The following MAGI2 variants were observed in gnomAD, a reference collection of about 807,000 sequenced individuals.
MAGI2 encodes the protein membrane-associated guanylate kinase, WW and PDZ domain-containing protein 2.
In MAGI2, 35 loss-of-function variants were observed where a neutral mutation model predicts 133.3. That is an observed-to-expected ratio of 0.26 (90% CI 0.20 to 0.35). MAGI2 has a LOEUF of 0.35. Ranked by LOEUF, MAGI2 falls within the 10% of genes least tolerant of loss-of-function variation. The pLI is 1.00. For missense variants in MAGI2, 1,636 were observed against 1,863.4 expected (o/e 0.88, Z 2.25); for synonymous variants, 729 against 710.6 (o/e 1.03, Z -0.41).
At chr7:79,283,506 C>T (rs1249548683) in intron 1 of MAGI2, among the ~76,000 whole-genome samples, 1 of 152,048 alleles carries the variant, frequency 6.6e-6, no homozygotes, top group Non-Finnish European at 1.5e-5. Flanking sequence ...GGACCTTAAT[C>T]TTCAGAGAGG....
In MAGI2 at chr7:79,001,855, A is replaced by G. The variant is rs569339383; in HGVS notation, c.418+5235T>C. On this transcript the variant is annotated intron_variant, in intron 2 of 21. Coordinates refer to ENST00000354212, the MANE Select transcript of MAGI2 (RefSeq NM_012301.4). ...GAAACAATCCTGTTTAATCATCTCT[A>G]AATAAATGCTGCTAACTTATTGCTT... Among the ~76,000 whole-genome samples, 43 of 152,322 alleles carry G rather than the reference A, an allele frequency of 2.8e-4. No homozygotes were observed. In the South Asian group the frequency reaches 3.7e-3, roughly 13 times the overall value.
intron 7 of MAGI2, among the ~76,000 whole-genome samples, chr7:78,348,703 A>G (rs994215493): frequency 6.6e-6 from 1 of 152,228 alleles, no homozygotes; most frequent in Non-Finnish European, 1.5e-5. Flanking sequence ...AAAATATACA[A>G]TTAAGTTATT....
At chr7:78,360,835 C>A (rs1792701700) in intron 7 of MAGI2, among the ~76,000 whole-genome samples, 1 of 152,166 alleles carries the variant, frequency 6.6e-6, no homozygotes, top group South Asian at 2.1e-4. Context: ...AGGCCATTCT[C>A]GAGTTCTCAT....
At chr7:78,873,333 C>T (rs1171340103) in intron 2 of MAGI2, among the ~76,000 whole-genome samples, 1 of 152,116 alleles carries the variant, frequency 6.6e-6, no homozygotes, top group East Asian at 1.9e-4. Context: ...AGGTGAGCTG[C>T]GGGTGAGATT....
intron 1 of MAGI2, among the ~76,000 whole-genome samples, chr7:79,381,760 T>G (rs1415002756): frequency 6.6e-6 from 1 of 151,772 alleles, no homozygotes; most frequent in Non-Finnish European, 1.5e-5. Flanking sequence ...CCAAGTACAG[T>G]GCTGTGTGCT....
intron 10 of MAGI2, among the ~76,000 whole-genome samples, chr7:78,201,862 T>A (rs922535933): frequency 1.3e-5 from 2 of 152,198 alleles, no homozygotes; most frequent in Non-Finnish European, 2.9e-5. Flanking sequence ...CTCTTTGTAT[T>A]ATCACAAAAT....
intron 2 of MAGI2, among the ~76,000 whole-genome samples, chr7:78,636,367 T>G (rs1192748576): frequency 2.7e-5 from 4 of 150,092 alleles, no homozygotes; most frequent in Non-Finnish European, 5.9e-5. Flanking sequence ...TTTTTTTTTT[T>G]TTGAAGAAGA....
In MAGI2 at chr7:79,080,464, G is replaced by T. The variant is rs114024978; in HGVS notation, c.302-73258C>A. On this transcript the variant is annotated intron_variant, in intron 1 of 21. Transcript: ENST00000354212. ...GTCCTACTCAGACATAATAATATCTGCTAGAAGCACCAAATTATTGGTTGT... is the reference window on the plus strand; with the variant it reads ...GTCCTACTCAGACATAATAATATCTTCTAGAAGCACCAAATTATTGGTTGT... Among the ~76,000 whole-genome samples, 991 of 152,222 alleles carry T rather than the reference G, an allele frequency of 6.5e-3. 16 individuals are homozygous for T. Among genetic ancestry groups the T allele is most frequent in the African/African-American group, 0.022 (918 of 41,538 alleles).
intron 21 of MAGI2, among the ~76,000 whole-genome samples, chr7:78,029,141 T>C (rs1809290784): frequency 6.6e-6 from 1 of 152,288 alleles, no homozygotes; most frequent in East Asian, 1.9e-4. Flanking sequence ...GATCAAGGTC[T>C]GAAGATACCA....
chr7:79,350,264 A>G (rs1475678554), intron 1 of MAGI2, among the ~76,000 whole-genome samples: 1 of 152,142 alleles, frequency 6.6e-6, no homozygotes, highest in Non-Finnish European at 1.5e-5. Flanking sequence ...GTTCATTTCA[A>G]TCTTTAACCT....
chr7:78,819,590 T>TAC (rs1299479940), intron 2 of MAGI2, among the ~76,000 whole-genome samples: 2 of 152,088 alleles, frequency 1.3e-5, no homozygotes. Flanking sequence ...TGTACGTGTG[T>TAC]GTCTGTATTA....
chr7:78,910,747 T>A (rs1382133117), intron 2 of MAGI2, among the ~76,000 whole-genome samples: 1 of 152,226 alleles, frequency 6.6e-6, no homozygotes, highest in Non-Finnish European at 1.5e-5. Flanking sequence ...TTTACATCTT[T>A]CTAGAAACAG....
chr7:79,070,635 G>A (rs1004104542), intron 1 of MAGI2, among the ~76,000 whole-genome samples: 3 of 151,722 alleles, frequency 2.0e-5, no homozygotes, highest in Non-Finnish European at 1.5e-5. Flanking sequence ...GGGACTACAG[G>A]CGCCCACCAC....
intron 2 of MAGI2, among the ~76,000 whole-genome samples, chr7:78,922,698 G>A (rs1799357981): frequency 6.6e-6 from 1 of 152,066 alleles, no homozygotes; most frequent in Non-Finnish European, 1.5e-5. Flanking sequence ...AGTCCTTTGG[G>A]TATATACCCA....
chr7:78,573,051 A>G lies in MAGI2; in HGVS notation c.539-51406T>C, dbSNP rs979391805. On this transcript the variant is annotated intron_variant, in intron 3 of 21. Transcript: ENST00000354212. The stretch of plus-strand genomic sequence containing the variant: ...CATATGTATGTATATATATATATAT[A>G]TATATATATATATATATATATATAT... Among the ~76,000 whole-genome samples, 167 of 98,678 alleles carry G rather than the reference A, an allele frequency of 1.7e-3. 2 individuals are homozygous for G. In the South Asian group the frequency reaches 0.023, roughly 14 times the overall value. 64.7% of individuals were successfully genotyped at this position (98,678 alleles called of 152,430 possible).
At chr7:78,463,547 A>T (rs1462873581) in intron 6 of MAGI2, among the ~76,000 whole-genome samples, 3 of 152,350 alleles carry the variant, frequency 2.0e-5, no homozygotes, top group Admixed American at 2.0e-4. Flanking sequence ...TTAATTGTAC[A>T]GCCCTCATAG....
intron 6 of MAGI2, among the ~76,000 whole-genome samples, chr7:78,465,216 T>A (rs1790494053): frequency 6.6e-6 from 1 of 152,186 alleles, no homozygotes; most frequent in Non-Finnish European, 1.5e-5. Flanking sequence ...TAACCCAGTT[T>A]GTACTGATAT....
chr7:78,728,953 G>T (rs920830042), intron 2 of MAGI2, among the ~76,000 whole-genome samples: 1 of 152,060 alleles, frequency 6.6e-6, no homozygotes, highest in African/African-American at 2.4e-5. Flanking sequence ...TTCTCACAGG[G>T]TACAACTAGT....
At chr7:78,806,409 TATC>T (rs1219521374) in intron 2 of MAGI2, among the ~76,000 whole-genome samples, 1 of 152,116 alleles carries the variant, frequency 6.6e-6, no homozygotes, top group Non-Finnish European at 1.5e-5. Context: ...ATAACATCAT[TATC>T]ATCATTATTA....
Sources: allele counts gnomAD v4.1 joint callset (sites outside exome capture counted in the v4.1 genomes callset), GRCh38; gene constraint gnomAD v4.1.1; transcripts MANE v1.5; gene names NCBI Gene and HGNC (gene_info 2026-07-23, HGNC 2026-07-21).